RRAGD: variants seen among roughly 807,000 people sequenced by gnomAD.
RRAGD encodes the protein Ras related GTP binding D, also known as ras-related GTP-binding protein D.
RRAGD carries 12 observed loss-of-function variants against 35.5 expected under a neutral mutation model. That is an observed-to-expected ratio of 0.34 (90% CI 0.22 to 0.55). RRAGD has a LOEUF of 0.55. RRAGD is among the 20% of genes least tolerant of loss of function. The pLI is 0.91. For synonymous variants in RRAGD, 155 were observed against 178.9 expected, an observed-to-expected ratio of 0.87 and a Z score of 1.07; for missense variants, 324 against 490.1, an observed-to-expected ratio of 0.66 and a Z score of 3.20.
rs913537502 is a variant in RRAGD at position 89,412,051 on chromosome 6, C to T, written c.-58G>A. On this transcript the variant is annotated 5_prime_UTR_variant, in exon 1 of 7. Transcript: ENST00000369415. The surrounding 1 kb of genome is among the most constrained non-coding windows in gnomAD (Gnocchi z 4.2). ...GGGGGTCCCGGGGTGGGGGCCAAGC[C>T]TCCTAGCCGGCCGCCCGCAGCCTAT... is the stretch of plus-strand genomic sequence containing the variant. 1.6e-5 allele frequency: 24 copies of T among 1,466,674 alleles called. No individual in the cohort carries two copies. The highest frequency in any genetic ancestry group is 2.1e-5 in the Non-Finnish European group (23 of 1,110,774). The allele number at this position is 1,466,674 out of a possible 1,614,324, so 90.9% of individuals were successfully genotyped here. A position where few individuals can be genotyped will look rare whatever the true frequency, so the allele number is the denominator to read the frequency against.
At position 89,387,562 on chromosome 6, in the gene RRAGD, A is replaced by C; in HGVS notation, c.177T>G (p.Thr59=). ...GVLDFSDPFS[T]EVKPRILLMG... ...TGAGCAGGATTCTCGGCTTCACTTC[A>C]GTGCTGAAGGGGTCACTGAAGTCCA... The change falls in exon 2 of 7, where the codon ACT becomes ACG. Residue 59 remains threonine (T), a synonymous_variant. Coordinates refer to ENST00000369415, the MANE Select transcript of RRAGD (RefSeq NM_021244.5). The C allele has an allele frequency of 1.2e-6, 2 of 1,614,000 alleles. No homozygotes were observed. Among genetic ancestry groups the C allele is most frequent in the Non-Finnish European group, 8.5e-7 (1 of 1,179,898 alleles).
chr6:89,386,686 A>G (rs888452867), intron 2 of RRAGD, among the ~76,000 whole-genome samples: 1 of 152,246 alleles, frequency 6.6e-6, no homozygotes, highest in Admixed American at 6.5e-5. Flanking sequence ...CTCAGTGCTT[A>G]TAACTATATA....
At chr6:89,389,962 C>A (rs1769201758) in intron 1 of RRAGD, among the ~76,000 whole-genome samples, 1 of 152,108 alleles carries the variant, frequency 6.6e-6, no homozygotes, top group Non-Finnish European at 1.5e-5. Flanking sequence ...GGTGCTGGGC[C>A]AACTGGATAT....
Position 89,411,927 on chromosome 6 carries a change from C to A in RRAGD, c.67G>T (p.Asp23Tyr). The A allele has an allele frequency of 6.9e-7, 1 of 1,441,286 alleles. No individual in the cohort carries two copies. Among genetic ancestry groups the A allele is most frequent in the Non-Finnish European group, 9.3e-7 (1 of 1,080,022 alleles). 89.3% of individuals were successfully genotyped at this position (1,441,286 alleles called of 1,614,324 possible). Residue 23 changes from aspartate (D) to tyrosine (Y), a missense_variant, in exon 1 of 7, where the codon GAT (aspartate) becomes TAT (tyrosine). Physicochemically the swap from Asp to Tyr is radical, Grantham distance 160. Transcript: ENST00000369415. This position sits in a 1 kb window ranked among gnomAD's most constrained non-coding sequence, Gnocchi z 5.6. The part of the protein sequence containing the change: ...EDDAEEEEEE[D>Y]ELVGLADYGD... ...TAGTCCGCTAGCCCCACCAGCTCAT[C>A]CTCCTCCTCCTCCTCCTCCGCGTCG... is the stretch of plus-strand genomic sequence containing the variant.
In RRAGD at chr6:89,411,495, G is replaced by C. The variant is rs1769692040; in HGVS notation, c.148+351C>G. 4.0e-6 allele frequency: 1 copy of C among 247,006 alleles called. No individual in the cohort carries two copies. The highest frequency in any genetic ancestry group is 7.9e-6 in the Non-Finnish European group (1 of 126,080). 15.3% of individuals were successfully genotyped at this position (247,006 alleles called of 1,614,324 possible). On this transcript the variant is annotated intron_variant, in intron 1 of 6. Coordinates refer to ENST00000369415, the MANE Select transcript of RRAGD (RefSeq NM_021244.5). This position sits in a 1 kb window ranked among gnomAD's most constrained non-coding sequence, Gnocchi z 5.6. ...GAGAGAGGTCCCAGGGCGCGCCCGC[G>C]GTCCCCTCCCCTCCCCAACCGCCAG...
rs1407192 is a variant in RRAGD, at chr6:89,411,164, G to C, written c.148+682C>G. Among the ~76,000 whole-genome samples the C allele has an allele frequency of 0.029, 4,474 of 152,326 alleles. 231 individuals are homozygous for C. Among genetic ancestry groups the C allele is most frequent in the African/African-American group, 0.1 (4,231 of 41,564 alleles). Reference sequence around the variant, plus strand: ...TGAAGCAAAGAATTCCCCGCCGCGCGCTCACTCCCGGGCAGGCACTGCCAT... The same window carrying C: ...TGAAGCAAAGAATTCCCCGCCGCGCCCTCACTCCCGGGCAGGCACTGCCAT... On this transcript the variant is annotated intron_variant, in intron 1 of 6. Transcript: ENST00000369415. This position sits in a 1 kb window ranked among gnomAD's most constrained non-coding sequence, Gnocchi z 5.6.
intron 1 of RRAGD, among the ~76,000 whole-genome samples, chr6:89,401,376 G>C (rs1235277452): frequency 6.6e-6 from 1 of 151,888 alleles, no homozygotes; most frequent in Non-Finnish European, 1.5e-5. Flanking sequence ...TCCTACCTCA[G>C]TCTCCTGAGT....
intron 1 of RRAGD, among the ~76,000 whole-genome samples, chr6:89,410,244 C>T (rs1178375237): frequency 6.6e-6 from 1 of 152,174 alleles, no homozygotes; most frequent in Non-Finnish European, 1.5e-5. Context: ...ACAGGGCTTT[C>T]CCTCCTGGAT....
chr6:89,379,443 T>C, intron 3 of RRAGD, 105 bp from the exon 4 acceptor site: 1 of 568,216 alleles, frequency 1.8e-6, no homozygotes, highest in Non-Finnish European at 3.2e-6. Context: ...TGTATAGTCC[T>C]AACACATACA....
At chr6:89,403,448 A>C (rs1277140489) in intron 1 of RRAGD, among the ~76,000 whole-genome samples, 2 of 152,044 alleles carry the variant, frequency 1.3e-5, no homozygotes, top group East Asian at 1.9e-4. Flanking sequence ...CTGTCAAAAA[A>C]AAAAACAAAA....
intron 1 of RRAGD, among the ~76,000 whole-genome samples, chr6:89,406,048 T>C (rs1201826741): frequency 2.0e-5 from 3 of 152,222 alleles, no homozygotes; most frequent in Non-Finnish European, 4.4e-5. Flanking sequence ...TAAAGATTTT[T>C]GAAGGTGATT....
chr6:89,408,557 A>G (rs961640501), intron 1 of RRAGD, among the ~76,000 whole-genome samples: 9 of 152,132 alleles, frequency 5.9e-5, no homozygotes, highest in African/African-American at 2.2e-4. Context: ...CACCCCATCT[A>G]CATCCTTCAG....
intron 6 of RRAGD, 113 bp from the exon 7 acceptor site, chr6:89,368,320 G>C (rs60907617): frequency 1.2e-6 from 1 of 856,832 alleles, no homozygotes; most frequent in African/African-American, 1.7e-5. Context: ...TGGTCTTAGC[G>C]TAAGGACCAG....
intron 2 of RRAGD, among the ~76,000 whole-genome samples, chr6:89,380,805 G>T (rs1036968821): frequency 1.3e-5 from 2 of 151,964 alleles, no homozygotes; most frequent in African/African-American, 4.8e-5. Flanking sequence ...TACTCGGGAG[G>T]CTGAGGCAGG....
chr6:89,388,080 C>T (rs1039422291), intron 1 of RRAGD, among the ~76,000 whole-genome samples: 16 of 152,114 alleles, frequency 1.1e-4, no homozygotes, highest in African/African-American at 3.4e-4. Context: ...TCCCAAGCCA[C>T]GAAGGCCTGG....
chr6:89,378,316 G>A (rs1250002257), intron 4 of RRAGD, among the ~76,000 whole-genome samples: 16 of 148,240 alleles, frequency 1.1e-4, no homozygotes, highest in Non-Finnish European at 2.1e-4. Context: ...AAAAAAAAAA[G>A]AATTCGAATG....
intron 5 of RRAGD, among the ~76,000 whole-genome samples, chr6:89,376,751 G>A (rs1324946057): frequency 6.6e-6 from 1 of 152,022 alleles, no homozygotes; most frequent in Admixed American, 6.6e-5. Flanking sequence ...TTTCAGCAGA[G>A]GATCAGGAAT....
chr6:89,406,524 C>T (rs1470013083), intron 1 of RRAGD, among the ~76,000 whole-genome samples: 3 of 151,994 alleles, frequency 2.0e-5, no homozygotes, highest in Admixed American at 6.6e-5. Flanking sequence ...GTCGAGAGGA[C>T]GTTGGGAGCA....
At chr6:89,370,755 C>T (rs1487075141) in intron 6 of RRAGD, among the ~76,000 whole-genome samples, 5 of 152,034 alleles carry the variant, frequency 3.3e-5, no homozygotes, top group Admixed American at 3.3e-4. Context: ...GGAAACATGT[C>T]TGTAATAATT....
Sources: gnomAD v4.1 joint callset for allele counts (sites outside exome capture counted in the v4.1 genomes callset) on GRCh38, gnomAD v4.1.1 for gene constraint, Gnocchi (gnomAD v3.1) non-coding constraint, MANE v1.5 for transcripts, NCBI Gene and HGNC (gene_info 2026-07-23, HGNC 2026-07-21) for gene names.